ERCC6L2: variants seen among roughly 807,000 people sequenced by gnomAD.
The protein encoded by ERCC6L2 is ERCC excision repair 6 like 2.
In ERCC6L2, 77 loss-of-function variants were observed where a neutral mutation model predicts 132.0. That is an observed-to-expected ratio of 0.58 (90% CI 0.49 to 0.71). The LOEUF is 0.71. Among genes scored for constraint, ERCC6L2 ranks in the 30% least tolerant of loss-of-function variants. The pLI is 0.00. For synonymous variants in ERCC6L2, 583 were observed against 632.4 expected, an observed-to-expected ratio of 0.92 and a Z score of 1.17; for missense variants, 1,542 against 1,837.6, an observed-to-expected ratio of 0.84 and a Z score of 2.94.
chr9:96,027,631 C>T (rs548964043), intron 19 of ERCC6L2: 5 of 152,662 alleles, frequency 3.3e-5, no homozygotes, highest in African/African-American at 1.2e-4. Context: ...CCGCCCAGCG[C>T]CCACCCGTCC....
In ERCC6L2 at chr9:95,919,103, G is replaced by A. The variant is rs189665475; in HGVS notation, c.1159-2072G>A. ...AGGCTGGTCTTGAACTCCTGACCTCGTGATCTGCCTGCCTCCCAAAGTGCT... is the reference window on the plus strand; with the variant it reads ...AGGCTGGTCTTGAACTCCTGACCTCATGATCTGCCTGCCTCCCAAAGTGCT... On this transcript the variant is annotated intron_variant, in intron 6 of 18. Transcript: ENST00000653738. 8.6e-5 allele frequency among the ~76,000 whole-genome samples: 13 copies of A among 152,038 alleles called. No homozygotes were observed. In the East Asian group the frequency reaches 1.4e-3, roughly 16 times the overall value.
At chr9:95,893,315 A>G (rs1351275604) in intron 2 of ERCC6L2, among the ~76,000 whole-genome samples, 3 of 152,140 alleles carry the variant, frequency 2.0e-5, no homozygotes, top group African/African-American at 4.8e-5. Flanking sequence ...GTTTTGGTAT[A>G]TATTATTTCC....
At chr9:96,018,974 A>T (rs751384072), downstream of ERCC6L2, among the ~76,000 whole-genome samples, 1 of 152,196 alleles carries the variant, frequency 6.6e-6, no homozygotes, top group Non-Finnish European at 1.5e-5. Context: ...TAGGCCTCGC[A>T]GTCTCGTTGA....
chr9:95,964,009 A>C (rs1321572358), intron 13 of ERCC6L2, among the ~76,000 whole-genome samples: 1 of 152,132 alleles, frequency 6.6e-6, no homozygotes, highest in Non-Finnish European at 1.5e-5. Flanking sequence ...ATTGATATGT[A>C]GTTTATGGGG....
At position 96,012,975 on chromosome 9, in the gene ERCC6L2, A is replaced by G; in HGVS notation, c.4425A>G (p.Pro1475=). 1.5e-6 allele frequency: 2 copies of G among 1,367,422 alleles called. No homozygotes were observed. Among genetic ancestry groups the G allele is most frequent in the African/African-American group, 1.5e-5 (1 of 67,884 alleles). The allele number at this position is 1,367,422 out of a possible 1,614,324, so 84.7% of individuals were successfully genotyped here. ...CCATGGAAAAAGCAAAACAGAGACC[A>G]AAAGATTTCTGGGACATCTTGAATG... is the stretch of plus-strand genomic sequence containing the variant. ...SGPMEKAKQR[P]KDFWDILNEQ... The change falls in exon 19 of 19, where the codon CCA becomes CCG. Residue 1475 remains proline (P), a synonymous_variant. Coordinates refer to ENST00000653738, the MANE Select transcript of ERCC6L2 (RefSeq NM_020207.7).
chr9:95,973,164 T>C, intron 16 of ERCC6L2, 76 bp downstream of exon 16: 1 of 1,019,600 alleles, frequency 9.8e-7, no homozygotes, highest in Non-Finnish European at 1.3e-6. Context: ...CGCTTTGAAT[T>C]AACTTGTAAA....
intron 16 of ERCC6L2, among the ~76,000 whole-genome samples, chr9:95,977,808 C>A (rs1436013106): frequency 6.6e-6 from 1 of 151,638 alleles, no homozygotes; most frequent in East Asian, 1.9e-4. Context: ...TTTCTTTTGG[C>A]CAAAACCTCC....
At chr9:96,038,315 C>T (rs566646985) in intron 19 of ERCC6L2, among the ~76,000 whole-genome samples, 2 of 152,232 alleles carry the variant, frequency 1.3e-5, no homozygotes, top group East Asian at 3.9e-4. Flanking sequence ...AATGATCAAG[C>T]CCGAATAAAA....
chr9:95,983,050 A>G (rs1211637591), intron 17 of ERCC6L2, among the ~76,000 whole-genome samples: 3 of 152,180 alleles, frequency 2.0e-5, no homozygotes, highest in Non-Finnish European at 4.4e-5. Context: ...CAAAAAATGT[A>G]CATTTTTATT....
chr9:95,959,515 C>A (rs1376145345), intron 13 of ERCC6L2, among the ~76,000 whole-genome samples: 6 of 151,786 alleles, frequency 4.0e-5, no homozygotes, highest in African/African-American at 7.3e-5. Flanking sequence ...GCAACAAAAG[C>A]CAAAATTGAC....
chr9:95,899,999 A>G (rs1180241014), intron 3 of ERCC6L2, among the ~76,000 whole-genome samples: 2 of 152,286 alleles, frequency 1.3e-5, no homozygotes, highest in East Asian at 1.9e-4. Flanking sequence ...ATTCCTTGCT[A>G]TAATGTACAT....
chr9:96,002,577 G>A (rs1350753108), intron 17 of ERCC6L2, among the ~76,000 whole-genome samples: 4 of 151,886 alleles, frequency 2.6e-5, no homozygotes, highest in African/African-American at 4.8e-5. Context: ...GCACGCCACC[G>A]CACCAAGCTA....
intron 17 of ERCC6L2, among the ~76,000 whole-genome samples, chr9:95,994,654 C>G (rs1833413542): frequency 6.6e-6 from 1 of 152,188 alleles, no homozygotes; most frequent in African/African-American, 2.4e-5. Flanking sequence ...TACAGATGAG[C>G]AGGGGAGAAT....
chr9:95,983,182 C>G (rs1217122435), intron 17 of ERCC6L2, among the ~76,000 whole-genome samples: 2 of 152,194 alleles, frequency 1.3e-5, no homozygotes, highest in African/African-American at 4.8e-5. Context: ...AAAAAGATAT[C>G]TAGTCCAGTC....
intron 11 of ERCC6L2, chr9:95,929,065 T>G (rs1007340907): frequency 8.7e-5 from 35 of 401,440 alleles, no homozygotes; most frequent in African/African-American, 6.7e-4. Context: ...TGAATTCCTC[T>G]TAGAAGTCTG....
chr9:95,915,923 G>C, intron 5 of ERCC6L2, 94 bp downstream of exon 5: 26 of 1,258,264 alleles, frequency 2.1e-5, no homozygotes, highest in Non-Finnish European at 2.8e-5. Context: ...AAACGAAACA[G>C]TCATTTGTCT....
At position 95,964,147 on chromosome 9, in the gene ERCC6L2, T is replaced by C. The variant is rs369514765; in HGVS notation, c.1948-2415T>C. On this transcript the variant is annotated intron_variant, in intron 13 of 18. Coordinates refer to ENST00000653738, the MANE Select transcript of ERCC6L2 (RefSeq NM_020207.7). ...GGTGGTGATTTTTCTATTTCCATTA[T>C]CCTTCTTGGTTGTTGTTTGGCACTC... Among the ~76,000 whole-genome samples the C allele has an allele frequency of 3.0e-4, 46 of 152,286 alleles. 1 individual carries two copies. The highest frequency in any genetic ancestry group is 9.9e-4 in the African/African-American group (41 of 41,552).
chr9:96,029,936 G>C (rs1276622912), intron 19 of ERCC6L2, among the ~76,000 whole-genome samples: 1 of 152,226 alleles, frequency 6.6e-6, no homozygotes, highest in Non-Finnish European at 1.5e-5. Context: ...CCAGTCCAGA[G>C]CCCGGACACC....
chr9:95,994,646 CA>C (rs1833413333), intron 17 of ERCC6L2, among the ~76,000 whole-genome samples: 1 of 152,158 alleles, frequency 6.6e-6, no homozygotes, highest in Non-Finnish European at 1.5e-5. Context: ...TTGGAGTATA[CA>C]GATGAGCAGG....
Sources: gnomAD v4.1 joint callset for allele counts (sites outside exome capture counted in the v4.1 genomes callset) on GRCh38, gnomAD v4.1.1 for gene constraint, MANE v1.5 for transcripts, NCBI Gene and HGNC (gene_info 2026-07-23, HGNC 2026-07-21) for gene names.